Variants in OLFML1 observed in about 807,000 individuals in gnomAD.
OLFML1 encodes olfactomedin-like protein 1.
Under a neutral mutation model 37.3 loss-of-function variants are expected in OLFML1, and 33 were observed. The ratio of observed to expected loss-of-function variants is 0.88; its 90% CI spans 0.67 to 1.18. The LOEUF (loss-of-function observed/expected upper bound fraction) is 1.18. Ranked by LOEUF, OLFML1 falls within the 50% of genes most tolerant of loss-of-function variation. The pLI, the probability that OLFML1 is intolerant of heterozygous loss-of-function variation, is 0.00. For synonymous variants in OLFML1, 186 were observed against 181.3 expected (o/e 1.03, Z -0.21); for missense variants, 545 against 483.7 (o/e 1.13, Z -1.19).
chr11:7,507,605 G>C (rs554392328), intron 2 of OLFML1, among the ~76,000 whole-genome samples: 2 of 151,236 alleles, frequency 1.3e-5, no homozygotes, highest in African/African-American at 4.9e-5. Flanking sequence ...CTGGAGTGCA[G>C]TGGCATGATC....
chr11:7,488,627 G>A (rs1029775151), intron 2 of OLFML1: 9 of 411,214 alleles, frequency 2.2e-5, no homozygotes, highest in African/African-American at 1.2e-4. Context: ...CACACACAGT[G>A]CCTAAAGCCT....
intron 2 of OLFML1, among the ~76,000 whole-genome samples, chr11:7,493,135 C>T (rs565144916): frequency 1.1e-3 from 160 of 152,308 alleles, no homozygotes; most frequent in African/African-American, 3.6e-3. Flanking sequence ...TTCCTGTTGT[C>T]GTCCAGTTCC....
chr11:7,509,087 C>A (rs1848820103), intron 2 of OLFML1, among the ~76,000 whole-genome samples: 2 of 152,294 alleles, frequency 1.3e-5, no homozygotes, highest in East Asian at 1.9e-4. Context: ...TATCCAATAA[C>A]TATTATAGAC....
chr11:7,510,067 A>G lies in OLFML1; in HGVS notation c.1088A>G (p.Lys363Arg). 1.2e-6 allele frequency: 2 copies of G among 1,614,244 alleles called. No homozygotes were observed. The highest frequency in any genetic ancestry group is 1.7e-6 in the Non-Finnish European group (2 of 1,180,040). The change falls in exon 3 of 3, where the codon AAG becomes AGG. Residue 363 changes from lysine to arginine, a missense_variant. Coordinates refer to ENST00000329293, the MANE Select transcript of OLFML1 (RefSeq NM_198474.4). ...EEDLPNLFFP[K>R]RPRSHSMIHY... ...GACTTGCCCAACTTGTTCTTCCCCA[A>G]GAGACCAAGAAGTCACTCCATGATC... is the stretch of plus-strand genomic sequence containing the variant.
At chr11:7,500,772 G>A (rs926957052) in intron 2 of OLFML1, among the ~76,000 whole-genome samples, 12 of 150,274 alleles carry the variant, frequency 8.0e-5, no homozygotes, top group African/African-American at 1.2e-4. Flanking sequence ...GGTAGCTCAC[G>A]CCTGTAATAA....
intron 2 of OLFML1, among the ~76,000 whole-genome samples, chr11:7,489,707 A>T (rs1848572833): frequency 6.6e-6 from 1 of 152,148 alleles, no homozygotes; most frequent in South Asian, 2.1e-4. Flanking sequence ...AGCCATTGAG[A>T]ATTGGAATCC....
Position 7,511,296 on chromosome 11 carries a change from T to A in OLFML1, c.*1108T>A, listed in dbSNP as rs1271072798. On this transcript the variant is annotated 3_prime_UTR_variant, in exon 3 of 3. Transcript: ENST00000329293. ...TGTCTTGCTGTCCTCTGTTTCTCTC[T>A]TTCTGCTTTAAATTCAATAAAAGTG... 1.3e-5 allele frequency: 2 copies of A among 152,222 alleles called. No individual in the cohort carries two copies. The highest frequency in any genetic ancestry group is 4.8e-5 in the African/African-American group (2 of 41,450). 9.4% of individuals were successfully genotyped at this position (152,222 alleles called of 1,614,324 possible).
chr11:7,507,187 T>A (rs1395263678), intron 2 of OLFML1, among the ~76,000 whole-genome samples: 1 of 152,202 alleles, frequency 6.6e-6, no homozygotes, highest in Non-Finnish European at 1.5e-5. Flanking sequence ...GAAGTGGCAC[T>A]AAGGAGCTAG....
intron 2 of OLFML1, among the ~76,000 whole-genome samples, chr11:7,499,318 T>C (rs371119951): frequency 7.2e-5 from 11 of 152,298 alleles, no homozygotes; most frequent in African/African-American, 2.6e-4. Flanking sequence ...TTAAAAAAAT[T>C]TGCATCTTGG....
In OLFML1 at chr11:7,485,732, G is replaced by C; in HGVS notation, c.-144G>C. 1.2e-6 allele frequency: 1 copy of C among 804,780 alleles called. No homozygotes were observed. Among genetic ancestry groups the C allele is most frequent in the Non-Finnish European group, 2.0e-6 (1 of 495,290 alleles). 49.9% of individuals were successfully genotyped at this position (804,780 alleles called of 1,614,324 possible). A position where few individuals can be genotyped will look rare whatever the true frequency, so the allele number is the denominator to read the frequency against. ...CACGTATCGGGTGGAATAACAAGCG[G>C]ACTTTGCTCTCTGCTGTGCAAAACG... On this transcript the variant is annotated 5_prime_UTR_variant, in exon 1 of 3. Coordinates refer to ENST00000329293, the MANE Select transcript of OLFML1 (RefSeq NM_198474.4).
intron 2 of OLFML1, among the ~76,000 whole-genome samples, chr11:7,507,057 T>A (rs1287765046): frequency 6.6e-6 from 1 of 152,152 alleles, no homozygotes; most frequent in Non-Finnish European, 1.5e-5. Context: ...TCCATGCATA[T>A]AGGGTAGTGT....
chr11:7,485,708 A>C lies in OLFML1; in HGVS notation c.-168A>C. On this transcript the variant is annotated 5_prime_UTR_variant, in exon 1 of 3. Coordinates refer to ENST00000329293, the MANE Select transcript of OLFML1 (RefSeq NM_198474.4). ...GATCACTAGCTGGCAAACTGAGCTC[A>C]CGTATCGGGTGGAATAACAAGCGGA... 1 of 696,652 alleles carries C rather than the reference A, an allele frequency of 1.4e-6. No homozygotes were observed. The highest frequency in any genetic ancestry group is 2.5e-6 in the Non-Finnish European group (1 of 407,594). The allele number at this position is 696,652 out of a possible 1,614,324, so 43.2% of individuals were successfully genotyped here.
chr11:7,492,867 T>G (rs1434562370), intron 2 of OLFML1, among the ~76,000 whole-genome samples: 1 of 152,190 alleles, frequency 6.6e-6, no homozygotes, highest in Non-Finnish European at 1.5e-5. Context: ...CTATAACTAT[T>G]ATTAAAATAA....
chr11:7,509,654 A>C lies in OLFML1; in HGVS notation c.675A>C (p.Leu225=). The change falls in exon 3 of 3, where the codon CTA becomes CTC. Residue 225 remains leucine (L), a synonymous_variant. Coordinates refer to ENST00000329293, the MANE Select transcript of OLFML1 (RefSeq NM_198474.4). ...GTGQVIYKGF[L]FFHNQATSNE... ...GCCAAGTGATCTACAAAGGTTTTCTATTTTTTCATAACCAAGCAACTTCTA... is the reference window on the plus strand; with the variant it reads ...GCCAAGTGATCTACAAAGGTTTTCTCTTTTTTCATAACCAAGCAACTTCTA... The C allele has an allele frequency of 6.2e-7, 1 of 1,614,188 alleles. No homozygotes were observed. Among genetic ancestry groups the C allele is most frequent in the African/African-American group, 1.3e-5 (1 of 75,064 alleles).
In OLFML1 at chr11:7,485,755, AC is replaced by A; in HGVS notation, c.-120del. 1.9e-6 allele frequency: 2 copies of A among 1,034,392 alleles called. No homozygotes were observed. Among genetic ancestry groups the A allele is most frequent in the Admixed American group, 4.5e-5 (2 of 44,384 alleles). The allele number at this position is 1,034,392 out of a possible 1,614,324, so 64.1% of individuals were successfully genotyped here. On this transcript the variant is annotated 5_prime_UTR_variant, in exon 1 of 3. Transcript: ENST00000329293. ...CGGACTTTGCTCTCTGCTGTGCAAA[AC>A]GCTGTTTTTAGAGGATTTGCCACAG...
intron 1 of OLFML1, among the ~76,000 whole-genome samples, chr11:7,487,013 G>T (rs1564918503): frequency 6.6e-6 from 1 of 152,190 alleles, no homozygotes; most frequent in African/African-American, 2.4e-5. Flanking sequence ...AGAAGTGCCA[G>T]AATGATGCTC....
intron 2 of OLFML1, among the ~76,000 whole-genome samples, chr11:7,506,045 G>A (rs1848782168): frequency 6.6e-6 from 1 of 152,200 alleles, no homozygotes; most frequent in Non-Finnish European, 1.5e-5. Context: ...TTTCTATGGA[G>A]TTATGGTGAA....
intron 2 of OLFML1, among the ~76,000 whole-genome samples, chr11:7,497,044 C>T (rs1362440847): frequency 6.6e-6 from 1 of 152,034 alleles, no homozygotes; most frequent in Non-Finnish European, 1.5e-5. Context: ...AAATAAATTC[C>T]CCAGAGGATG....
chr11:7,487,997 G>A, intron 1 of OLFML1, 130 bp from the exon 2 acceptor site: 1 of 646,342 alleles, frequency 1.5e-6, no homozygotes, highest in South Asian at 2.2e-5. Flanking sequence ...GGAATTATGG[G>A]AGATTTCAAT....
Sources: gnomAD v4.1 joint callset for allele counts (sites outside exome capture counted in the v4.1 genomes callset) on GRCh38, gnomAD v4.1.1 for gene constraint, MANE v1.5 for transcripts, NCBI Gene and HGNC (gene_info 2026-07-23, HGNC 2026-07-21) for gene names.